The following MROH9 variants were observed in gnomAD, a reference collection of about 807,000 sequenced individuals.
MROH9 encodes the protein maestro heat like repeat family member 9, also known as maestro heat-like repeat-containing protein family member 9.
A neutral mutation model predicts 98.2 loss-of-function variants in MROH9; 92 were observed. The ratio of observed to expected loss-of-function variants is 0.94; its 90% confidence interval spans 0.79 to 1.11. MROH9 has a LOEUF of 1.11. Ranked by LOEUF, MROH9 falls within the 50% of genes most tolerant of loss-of-function variation. The probability of loss-of-function intolerance (pLI) is 0.00; values close to 1 mark genes in which losing one functional copy is unlikely to be tolerated. For missense variants in MROH9, 1,057 were observed against 1,014.8 expected, an observed-to-expected ratio of 1.04 and a Z score of -0.57; for synonymous variants, 397 against 368.9, an observed-to-expected ratio of 1.08 and a Z score of -0.87.
At chr1:170,987,529 G>C (rs1651188751) in intron 10 of MROH9, among the ~76,000 whole-genome samples, 1 of 152,076 alleles carries the variant, frequency 6.6e-6, no homozygotes. Flanking sequence ...GGTTTTATTT[G>C]CTATTTAACG....
chr1:171,026,357 C>T (rs183639055), intron 20 of MROH9, among the ~76,000 whole-genome samples: 1 of 152,002 alleles, frequency 6.6e-6, no homozygotes, highest in African/African-American at 2.4e-5. Flanking sequence ...TCACTGCAAC[C>T]TCCACCTCCC....
chr1:170,964,446 G>A (rs1241755636), intron 6 of MROH9, among the ~76,000 whole-genome samples: 1 of 152,068 alleles, frequency 6.6e-6, no homozygotes, highest in African/African-American at 2.4e-5. Flanking sequence ...AAGGTGAAGA[G>A]GTTTGGCCAA....
intron 20 of MROH9, among the ~76,000 whole-genome samples, chr1:171,048,710 A>G (rs1314733504): frequency 6.6e-6 from 1 of 152,154 alleles, no homozygotes; most frequent in East Asian, 1.9e-4. Flanking sequence ...TTCCTCAAGC[A>G]GAAGGAGTTT....
chr1:170,960,739 C>T (rs891918808), intron 5 of MROH9, among the ~76,000 whole-genome samples: 1 of 152,190 alleles, frequency 6.6e-6, no homozygotes, highest in African/African-American at 2.4e-5. Context: ...CCTTCCATCT[C>T]AGCCTCTCAA....
At chr1:170,952,078 C>A (rs545013387) in intron 3 of MROH9, among the ~76,000 whole-genome samples, 276 of 150,862 alleles carry the variant, frequency 1.8e-3, no homozygotes, top group African/African-American at 5.1e-3. Flanking sequence ...TAGAATGGCA[C>A]TCATTAAAAA....
At chr1:171,045,867 T>C (rs750933208) in intron 20 of MROH9, among the ~76,000 whole-genome samples, 4 of 152,206 alleles carry the variant, frequency 2.6e-5, no homozygotes, top group Non-Finnish European at 5.9e-5. Context: ...GTCTAGAAGA[T>C]CTTTGCAATG....
intron 17 of MROH9, 137 bp from the exon 18 acceptor site, chr1:171,024,258 G>A (rs1652622150): frequency 5.0e-6 from 3 of 597,514 alleles, no homozygotes; most frequent in Non-Finnish European, 8.2e-6. Context: ...ATTTCACATA[G>A]TGTATGTATA....
intron 17 of MROH9, among the ~76,000 whole-genome samples, chr1:171,017,737 A>T (rs1652376121): frequency 6.6e-6 from 1 of 152,142 alleles, no homozygotes; most frequent in South Asian, 2.1e-4. Flanking sequence ...GGATGGCTTG[A>T]TCCCAAGAGG....
Position 170,961,886 on chromosome 1 carries a change from T to G in MROH9, c.289-4T>G, listed in dbSNP as rs1258679272. 4 of 1,428,992 alleles carry G rather than the reference T, an allele frequency of 2.8e-6. No individual in the cohort carries two copies. The highest frequency in any genetic ancestry group is 1.5e-5 in the African/African-American group (1 of 67,714). 88.5% of individuals were successfully genotyped at this position (1,428,992 alleles called of 1,614,324 possible). A position where few individuals can be genotyped will look rare whatever the true frequency, so the allele number is the denominator to read the frequency against. On this transcript the variant is annotated splice_region_variant and splice_polypyrimidine_tract_variant and intron_variant, in intron 5 of 21. Transcript: ENST00000367759. ...GCTGACTGTGCAATGTTTTTGTGTT[T>G]CAGAATTTATACCACAATATTTTAA...
chr1:170,952,103 G>A (rs1212408760), intron 3 of MROH9, among the ~76,000 whole-genome samples: 1 of 151,978 alleles, frequency 6.6e-6, no homozygotes, highest in Non-Finnish European at 1.5e-5. Context: ...GGAAACAACA[G>A]GTGCTGGAGA....
At chr1:170,999,176 T>TC (rs139011605) in intron 15 of MROH9, among the ~76,000 whole-genome samples, 7,622 of 152,104 alleles carry the variant, frequency 0.05, 585 homozygotes, top group African/African-American at 0.16. Context: ...TTCTTTTTTT[T>TC]CCCCATAAGT....
At chr1:170,940,315 C>T (rs1212644925) in intron 1 of MROH9, among the ~76,000 whole-genome samples, 1 of 152,156 alleles carries the variant, frequency 6.6e-6, no homozygotes, top group Non-Finnish European at 1.5e-5. Context: ...AGGTGTCCTG[C>T]CAATAAGTTT....
At chr1:170,944,905 T>C (rs1418246264) in intron 1 of MROH9, among the ~76,000 whole-genome samples, 1 of 152,046 alleles carries the variant, frequency 6.6e-6, no homozygotes, top group Non-Finnish European at 1.5e-5. Flanking sequence ...GGGAAATCAT[T>C]CTCATGATTA....
chr1:170,994,874 C>T lies in MROH9; in HGVS notation c.1195-515C>T, dbSNP rs184639780. Among the ~76,000 whole-genome samples, 307 of 147,430 alleles carry T rather than the reference C, an allele frequency of 2.1e-3. 2 individuals carry two copies. The highest frequency in any genetic ancestry group is 0.011 in the Middle Eastern group (3 of 276). On this transcript the variant is annotated intron_variant, in intron 12 of 21. Transcript: ENST00000367759. ...TTTGATCTCCCAGGATTTCAATATTCAGGATTATGGCAGTTGGGAATGTGT... is the reference window on the plus strand; with the variant it reads ...TTTGATCTCCCAGGATTTCAATATTTAGGATTATGGCAGTTGGGAATGTGT...
At chr1:171,027,047 A>G (rs1652737102) in intron 20 of MROH9, among the ~76,000 whole-genome samples, 1 of 152,232 alleles carries the variant, frequency 6.6e-6, no homozygotes. Context: ...AAATGTTAGC[A>G]AAATCAAACA....
At chr1:171,009,678 A>G (rs1310785924) in intron 15 of MROH9, among the ~76,000 whole-genome samples, 1 of 152,250 alleles carries the variant, frequency 6.6e-6, no homozygotes, top group Non-Finnish European at 1.5e-5. Context: ...AAGACATGAT[A>G]TTCTGACAGC....
At chr1:170,940,441 A>G (rs1414270332) in intron 1 of MROH9, among the ~76,000 whole-genome samples, 2 of 152,206 alleles carry the variant, frequency 1.3e-5, no homozygotes, top group African/African-American at 2.4e-5. Context: ...CTAAATTATG[A>G]CATACAGCTG....
chr1:171,034,385 A>G (rs943618589), intron 20 of MROH9, among the ~76,000 whole-genome samples: 3 of 152,158 alleles, frequency 2.0e-5, no homozygotes, highest in African/African-American at 7.2e-5. Context: ...TCCAGTATCT[A>G]TTTAACTGTA....
intron 20 of MROH9, among the ~76,000 whole-genome samples, chr1:171,054,881 G>A (rs1653780551): frequency 6.6e-6 from 1 of 152,078 alleles, no homozygotes; most frequent in South Asian, 2.1e-4. Flanking sequence ...GTGGTGAAAA[G>A]GGAACACTTT....
Sources: allele counts gnomAD v4.1 joint callset (sites outside exome capture counted in the v4.1 genomes callset), GRCh38; gene constraint gnomAD v4.1.1; transcripts MANE v1.5; gene names NCBI Gene and HGNC (gene_info 2026-07-23, HGNC 2026-07-21).